Variants in KAZN observed in about 807,000 individuals in gnomAD.
The protein encoded by KAZN is kazrin.
A neutral mutation model predicts 87.4 loss-of-function variants in KAZN; 40 were observed. The ratio of observed to expected loss-of-function variants is 0.46; its 90% confidence interval spans 0.36 to 0.60. KAZN has a LOEUF of 0.60. Among genes scored for constraint, KAZN ranks in the 20% least tolerant of loss-of-function variants. KAZN has a pLI of 0.00. For synonymous variants in KAZN, 466 were observed against 458.3 expected, an observed-to-expected ratio of 1.02 and a Z score of -0.22; for missense variants, 898 against 1,073.9, an observed-to-expected ratio of 0.84 and a Z score of 2.29.
At chr1:14,474,411 T>G (rs1668611331) in intron 2 of KAZN, among the ~76,000 whole-genome samples, 2 of 152,062 alleles carry the variant, frequency 1.3e-5, no homozygotes, top group Admixed American at 1.3e-4. Context: ...GTGAGCTGAG[T>G]TCTACATAAT....
At chr1:14,637,179 C>T (rs961791826) in intron 1 of KAZN, among the ~76,000 whole-genome samples, 5 of 152,042 alleles carry the variant, frequency 3.3e-5, no homozygotes, top group African/African-American at 9.7e-5. Flanking sequence ...CAGAAAAACG[C>T]GTGCAGCAGC....
At chr1:14,120,728 T>C (rs1557491486) in intron 1 of KAZN, among the ~76,000 whole-genome samples, 1 of 152,304 alleles carries the variant, frequency 6.6e-6, no homozygotes, top group East Asian at 1.9e-4. Context: ...GTGCTATCTC[T>C]GGCTTCTGGT....
intron 1 of KAZN, among the ~76,000 whole-genome samples, chr1:14,813,043 G>T (rs1646460140): frequency 6.6e-6 from 1 of 152,168 alleles, no homozygotes; most frequent in Admixed American, 6.5e-5. Flanking sequence ...GGTAGAAAGA[G>T]CTTGTACTTG....
At chr1:14,790,010 CT>C (rs534170851) in intron 1 of KAZN, among the ~76,000 whole-genome samples, 4 of 148,282 alleles carry the variant, frequency 2.7e-5, no homozygotes, top group African/African-American at 5.0e-5. Context: ...TTTCTTTTTT[CT>C]TTTTTTTTGA....
At position 14,774,390 on chromosome 1, in the gene KAZN, C is replaced by CT. The variant is rs1186460123; in HGVS notation, c.226+175167_226+175168insT. 5.3e-5 allele frequency among the ~76,000 whole-genome samples: 8 copies of CT among 152,150 alleles called. No homozygotes were observed. The East Asian group carries it at 1.5e-3, about 29-fold the overall frequency. On this transcript the variant is annotated intron_variant, in intron 1 of 14. Coordinates refer to ENST00000376030, the MANE Select transcript of KAZN (RefSeq NM_201628.3). ...AGAAACTCAGCAAACAAATGGTTCT[C>CT]CGCTTATCTCCTCCCTTTCCCCTTC...
chr1:14,311,740 G>A (rs1655316359), intron 2 of KAZN, among the ~76,000 whole-genome samples: 1 of 152,082 alleles, frequency 6.6e-6, no homozygotes, highest in Non-Finnish European at 1.5e-5. Flanking sequence ...ATGGATGGAT[G>A]GAAGGATGAA....
chr1:13,900,999 G>A (rs1415127590), intron 1 of KAZN, among the ~76,000 whole-genome samples: 3 of 150,002 alleles, frequency 2.0e-5, no homozygotes, highest in African/African-American at 7.4e-5. Flanking sequence ...ATGTCTTCCT[G>A]ACAAGTAAAA....
At chr1:14,061,854 A>G (rs907538872) in intron 1 of KAZN, among the ~76,000 whole-genome samples, 1 of 152,142 alleles carries the variant, frequency 6.6e-6, no homozygotes, top group Non-Finnish European at 1.5e-5. Context: ...GCGGACACAA[A>G]AAGAGAGAAT....
Position 14,984,695 on chromosome 1 carries a change from C to A in KAZN, c.418+23820C>A, listed in dbSNP as rs1666596218. On this transcript the variant is annotated intron_variant, in intron 2 of 14. Coordinates refer to ENST00000376030, the MANE Select transcript of KAZN (RefSeq NM_201628.3). ...CAAGTGGAGGATGCCAGGCATGAGG[C>A]AGTGGAAAGTAAAATGCAACTAGAG... 2.6e-5 allele frequency among the ~76,000 whole-genome samples: 4 copies of A among 152,050 alleles called. No individual in the cohort carries two copies. In the South Asian group the frequency reaches 8.3e-4, roughly 32 times the overall value.
At chr1:14,263,450 G>C (rs1266248295) in intron 2 of KAZN, among the ~76,000 whole-genome samples, 1 of 152,196 alleles carries the variant, frequency 6.6e-6, no homozygotes, top group Admixed American at 6.5e-5. Context: ...GGGAGGCTGA[G>C]CTTGCTGATG....
At chr1:14,645,434 C>T (rs1338020994) in intron 1 of KAZN, among the ~76,000 whole-genome samples, 1 of 152,202 alleles carries the variant, frequency 6.6e-6, no homozygotes, top group African/African-American at 2.4e-5. Context: ...TATCCATAAA[C>T]AGGGGATAGT....
At chr1:14,550,496 T>C (rs1673431615) in intron 2 of KAZN, among the ~76,000 whole-genome samples, 2 of 151,854 alleles carry the variant, frequency 1.3e-5, no homozygotes, top group Non-Finnish European at 2.9e-5. Flanking sequence ...GTGGCTAGAG[T>C]GGAGGGAATG....
intron 13 of KAZN, among the ~76,000 whole-genome samples, chr1:15,110,537 GTGCATATGTGTT>G (rs1457597065): frequency 0.013 from 944 of 71,336 alleles, 9 homozygotes; most frequent in African/African-American, 0.043. Context: ...GTTTGTGTGT[GTGCATATGTGTT>G]TGTGTGTGTG....
At chr1:14,969,357 G>A (rs534703449) in intron 2 of KAZN, among the ~76,000 whole-genome samples, 5 of 152,326 alleles carry the variant, frequency 3.3e-5, no homozygotes, top group African/African-American at 1.2e-4. Flanking sequence ...CATCACCTGG[G>A]GTTGAATGTG....
rs55932579 is a variant in KAZN at position 15,046,297 on chromosome 1, C to CAAAAAAAAAAA, written c.726+2148_726+2149insAAAAAAAAAAA. ...TGGGCAACAGAGCAAGACTCCGTCT[C>CAAAAAAAAAAA]AAAAAAAAAAGAGAATCATAAGGAA... is the stretch of plus-strand genomic sequence containing the variant. On this transcript the variant is annotated intron_variant, in intron 4 of 14. Transcript: ENST00000376030. Among the ~76,000 whole-genome samples the CAAAAAAAAAAA allele has an allele frequency of 6.3e-4, 85 of 134,350 alleles. 1 individual carries two copies. Among genetic ancestry groups the CAAAAAAAAAAA allele is most frequent in the Middle Eastern group, 3.7e-3 (1 of 270 alleles). The allele number at this position is 134,350 out of a possible 152,430, so 88.1% of individuals were successfully genotyped here. A position where few individuals can be genotyped will look rare whatever the true frequency, so the allele number is the denominator to read the frequency against.
chr1:14,032,607 C>G (rs1232860014), intron 1 of KAZN, among the ~76,000 whole-genome samples: 2 of 152,140 alleles, frequency 1.3e-5, no homozygotes, highest in Non-Finnish European at 1.5e-5. Flanking sequence ...CTGGTGTTTC[C>G]CATCCATTCT....
At chr1:13,904,068 A>G (rs1020051943) in intron 1 of KAZN, among the ~76,000 whole-genome samples, 3 of 152,186 alleles carry the variant, frequency 2.0e-5, no homozygotes, top group Non-Finnish European at 4.4e-5. Context: ...TTGGAGACTG[A>G]GGCAGGGTCT....
intron 2 of KAZN, among the ~76,000 whole-genome samples, chr1:14,419,276 CA>C (rs780731154): frequency 2.0e-5 from 3 of 152,126 alleles, no homozygotes; most frequent in Admixed American, 1.3e-4. Context: ...GTGACTTTCC[CA>C]AAGTCATAAA....
chr1:14,421,986 T>G (rs1159899534), intron 2 of KAZN, among the ~76,000 whole-genome samples: 3 of 152,184 alleles, frequency 2.0e-5, no homozygotes, highest in African/African-American at 7.2e-5. Flanking sequence ...CACGCCAATG[T>G]CAATATTTTG....
Sources: allele counts gnomAD v4.1 joint callset (sites outside exome capture counted in the v4.1 genomes callset), GRCh38; gene constraint gnomAD v4.1.1; transcripts MANE v1.5; gene names NCBI Gene and HGNC (gene_info 2026-07-23, HGNC 2026-07-21).